SLC25A23: variants seen among roughly 807,000 people sequenced by gnomAD.
The protein encoded by SLC25A23 is mitochondrial adenyl nucleotide antiporter SLC25A23.
SLC25A23 carries 32 observed loss-of-function variants against 53.9 expected under a neutral mutation model. The ratio of observed to expected loss-of-function variants is 0.59; its 90% CI spans 0.45 to 0.80. The LOEUF is 0.80. Ranked by LOEUF, SLC25A23 falls within the 30% of genes least tolerant of loss-of-function variation. SLC25A23 has a pLI of 0.00. For missense variants in SLC25A23, 575 were observed against 651.4 expected (o/e 0.88, Z 1.28); for synonymous variants, 275 against 264.5 (o/e 1.04, Z -0.38).
At chr19:6,450,071 T>C (rs1373608488) in intron 8 of SLC25A23, among the ~76,000 whole-genome samples, 1 of 151,918 alleles carries the variant, frequency 6.6e-6, no homozygotes, top group East Asian at 1.9e-4. Flanking sequence ...TTGGCCAGGC[T>C]GGTCTTGAAC....
chr19:6,440,417 T>C lies in SLC25A23; in HGVS notation c.*1558A>G, dbSNP rs1283238716. On this transcript the variant is annotated 3_prime_UTR_variant, in exon 10 of 10. Coordinates refer to ENST00000301454, the MANE Select transcript of SLC25A23 (RefSeq NM_024103.3). ...TAGGGAAGGGTGGTCTTTGCCGATT[T>C]TCTCCTGGCTTTCAACTCTGGAAGC... 1 of 152,182 alleles carries C rather than the reference T, an allele frequency of 6.6e-6. No individual in the cohort carries two copies. Among genetic ancestry groups the C allele is most frequent in the African/African-American group, 2.4e-5 (1 of 41,326 alleles). 9.4% of individuals were successfully genotyped at this position (152,182 alleles called of 1,614,324 possible). A position where few individuals can be genotyped will look rare whatever the true frequency, so the allele number is the denominator to read the frequency against.
At chr19:6,442,196 C>A (rs752043514) in intron 9 of SLC25A23, 37 bp from the exon 10 acceptor site, 5 of 1,414,088 alleles carry the variant, frequency 3.5e-6, no homozygotes, top group African/African-American at 1.4e-5. Context: ...GTAAGGCCAA[C>A]GTTCCCCTTT....
chr19:6,458,701 A>G (rs1267963661), intron 1 of SLC25A23, among the ~76,000 whole-genome samples: 6 of 152,130 alleles, frequency 3.9e-5, no homozygotes, highest in Non-Finnish European at 7.4e-5. Context: ...TGTTGAACCC[A>G]GCTGCCTCTT....
chr19:6,456,481 T>C lies in SLC25A23; in HGVS notation c.422A>G (p.His141Arg). Residue 141 changes from histidine (H) to arginine (R), a missense_variant, in exon 4 of 10, where the codon CAC becomes CGC. His to Arg is a conservative substitution (Grantham distance 29). Transcript: ENST00000301454. ...MTIDWQEWRD[H>R]FLLHSLENVE... Reference sequence around the variant, plus strand: ...ATTTTCCAGCGAATGCAACAGGAAGTGGTCGCGCCATTCTTGCCAGTCAAT... The same window carrying C: ...ATTTTCCAGCGAATGCAACAGGAAGCGGTCGCGCCATTCTTGCCAGTCAAT... 6.2e-7 allele frequency: 1 copy of C among 1,613,284 alleles called. No individual in the cohort carries two copies.
intron 9 of SLC25A23, among the ~76,000 whole-genome samples, chr19:6,443,129 G>A (rs1002068664): frequency 1.3e-5 from 2 of 149,790 alleles, no homozygotes; most frequent in African/African-American, 4.9e-5. Context: ...AGTAGAGACA[G>A]GATTTAGCCA....
intron 8 of SLC25A23, among the ~76,000 whole-genome samples, chr19:6,444,962 T>C (rs1048151250): frequency 2.6e-5 from 4 of 151,696 alleles, no homozygotes; most frequent in African/African-American, 9.7e-5. Flanking sequence ...CCACAGTACC[T>C]GGCCTAATTA....
chr19:6,440,109 AAC>A lies in SLC25A23; in HGVS notation c.*1864_*1865del, dbSNP rs1172539670. Reference sequence around the variant, plus strand: ...TCCTTTTGTTCTTTTCCTTTGAAATAACACACACAGGCAGGGAGGTGGGGCGC... The same window carrying A: ...TCCTTTTGTTCTTTTCCTTTGAAATAACACACAGGCAGGGAGGTGGGGCGC... On this transcript the variant is annotated 3_prime_UTR_variant, in exon 10 of 10. Transcript: ENST00000301454. 1.3e-5 allele frequency: 2 copies of A among 152,292 alleles called. No individual in the cohort carries two copies. The highest frequency in any genetic ancestry group is 3.9e-4 in the East Asian group (2 of 5,188). The allele number at this position is 152,292 out of a possible 1,614,324, so 9.4% of individuals were successfully genotyped here. A position where few individuals can be genotyped will look rare whatever the true frequency, so the allele number is the denominator to read the frequency against.
intron 7 of SLC25A23, 148 bp from the exon 8 acceptor site, chr19:6,452,627 AT>A (rs765107507): frequency 7.6e-5 from 68 of 896,606 alleles, no homozygotes; most frequent in Non-Finnish European, 9.9e-5. Flanking sequence ...ATCTTCTGCT[AT>A]CCCCAAATCC....
rs1315855453 is a variant in SLC25A23 at position 6,459,232 on chromosome 19, T to C, written c.156+241A>G. On this transcript the variant is annotated intron_variant, in intron 1 of 9. Coordinates refer to ENST00000301454, the MANE Select transcript of SLC25A23 (RefSeq NM_024103.3). This position sits in a 1 kb window ranked among gnomAD's most constrained non-coding sequence, Gnocchi z 4.6. ...CATCTCTTCCCAGGCAGACGCCCCC[T>C]GCCCCGCAGCAGGGGGATCGGGTGT... 6.6e-6 allele frequency among the ~76,000 whole-genome samples: 1 copy of C among 152,112 alleles called. No individual in the cohort carries two copies. The highest frequency in any genetic ancestry group is 1.5e-5 in the Non-Finnish European group (1 of 68,000).
Position 6,454,378 on chromosome 19 carries a change from A to T in SLC25A23, c.740T>A (p.Ile247Asn). The part of the protein sequence containing the change: ...GIRSLWRGNG[I>N]NVLKIAPESA... ...CTCGGGGGCAATCTTGAGTACATTA[A>T]TACCATTGCCGCGCCACAGGGAGCG... The change falls in exon 6 of 10, where the codon ATT (isoleucine) becomes AAT (asparagine). Residue 247 changes from isoleucine (I) to asparagine (N), a missense_variant. Transcript: ENST00000301454. The surrounding 1 kb of genome is among the most constrained non-coding windows in gnomAD (Gnocchi z 4.3). 1 of 1,614,196 alleles carries T rather than the reference A, an allele frequency of 6.2e-7. No individual in the cohort carries two copies. Among genetic ancestry groups the T allele is most frequent in the South Asian group, 1.1e-5 (1 of 91,086 alleles).
chr19:6,455,766 A>G (rs955711091), intron 4 of SLC25A23, among the ~76,000 whole-genome samples: 9 of 139,488 alleles, frequency 6.5e-5, no homozygotes, highest in Non-Finnish European at 1.0e-4. Flanking sequence ...CACCCAGGCT[A>G]GAGTGCAGTG....
rs2092425324 is a variant in SLC25A23, at chr19:6,441,867, G to C, written c.*108C>G. The stretch of plus-strand genomic sequence containing the variant: ...ATAGGAGTCTAGGATCCAGGATCTG[G>C]GTACTGGGATCTCGTGGCCAAAGAG... On this transcript the variant is annotated 3_prime_UTR_variant, in exon 10 of 10. Transcript: ENST00000301454. 6 of 1,025,222 alleles carry C rather than the reference G, an allele frequency of 5.9e-6. No individual in the cohort carries two copies. The highest frequency in any genetic ancestry group is 8.8e-6 in the Non-Finnish European group (6 of 682,012). 63.5% of individuals were successfully genotyped at this position (1,025,222 alleles called of 1,614,324 possible). A position where few individuals can be genotyped will look rare whatever the true frequency, so the allele number is the denominator to read the frequency against.
At chr19:6,447,031 G>A (rs1396603431) in intron 8 of SLC25A23, among the ~76,000 whole-genome samples, 2 of 141,154 alleles carry the variant, frequency 1.4e-5, no homozygotes, top group Non-Finnish European at 2.9e-5. Flanking sequence ...AAGAAGGAAG[G>A]AAGGAAGGAT....
intron 8 of SLC25A23, 40 bp from the exon 9 acceptor site, chr19:6,444,341 AC>A: frequency 1.3e-6 from 2 of 1,548,640 alleles, no homozygotes; most frequent in Non-Finnish European, 1.8e-6. Context: ...GGGGTGGGTG[AC>A]CCTAGGACCC....
At chr19:6,439,013 C>G (rs2144726067), downstream of SLC25A23, among the ~76,000 whole-genome samples, 1 of 152,178 alleles carries the variant, frequency 6.6e-6, no homozygotes, top group South Asian at 2.1e-4. Context: ...TGCACTACAG[C>G]CTGGGCGACA....
chr19:6,449,122 G>A (rs919306305), intron 8 of SLC25A23, among the ~76,000 whole-genome samples: 11 of 152,018 alleles, frequency 7.2e-5, no homozygotes, highest in Admixed American at 3.3e-4. Flanking sequence ...GAGACTTCTC[G>A]GAGCCTTTAA....
In SLC25A23 at chr19:6,452,312, C is replaced by G. The variant is rs779482157; in HGVS notation, c.1071G>C (p.Glu357Asp). Residue 357 changes from glutamate (E) to aspartate (D), a missense_variant and splice_region_variant, in exon 8 of 10, where the codon GAG becomes GAC. By Grantham distance (45) the Glu-to-Asp change is conservative. Coordinates refer to ENST00000301454, the MANE Select transcript of SLC25A23 (RefSeq NM_024103.3). ...AAAGAGGAACGCGCTGCCCACAGAC[C>G]TCGTAGACGGCCAGGTCGATGCCCG... is the stretch of plus-strand genomic sequence containing the variant. ...PYAGIDLAVY[E>D]TLKNWWLQQY... 3.7e-6 allele frequency: 6 copies of G among 1,610,156 alleles called. No individual in the cohort carries two copies. The South Asian group carries it at 6.6e-5, about 18-fold the overall frequency.
rs899816589 is a variant in SLC25A23, at chr19:6,440,854, G to A, written c.*1121C>T. 2.0e-5 allele frequency: 3 copies of A among 152,244 alleles called. No individual in the cohort carries two copies. The highest frequency in any genetic ancestry group is 4.4e-5 in the Non-Finnish European group (3 of 68,098). The allele number at this position is 152,244 out of a possible 1,614,324, so 9.4% of individuals were successfully genotyped here. ...CTGGGCTGCCAGGATCTAGACTTGG[G>A]GCCTGAACATTTGGGACCCGGCGCC... On this transcript the variant is annotated 3_prime_UTR_variant, in exon 10 of 10. Transcript: ENST00000301454.
In SLC25A23 at chr19:6,444,212, G is replaced by T. The variant is rs745331795; in HGVS notation, c.1161C>A (p.Ser387Arg). ...LVLLACGTIS[S>R]TCGQIASYPL... is the part of the protein sequence containing the mutation. The stretch of plus-strand genomic sequence containing the variant: ...GGTAACTGGCTATCTGGCCGCAGGT[G>T]CTGGATATGGTACCGCAGGCCAGGA... Residue 387 changes from serine to arginine, a missense_variant, in exon 9 of 10, where the codon AGC (serine) becomes AGA (arginine). Physicochemically the swap from Ser to Arg is moderately radical, Grantham distance 110. Coordinates refer to ENST00000301454, the MANE Select transcript of SLC25A23 (RefSeq NM_024103.3). 6 of 1,603,564 alleles carry T rather than the reference G, an allele frequency of 3.7e-6. No homozygotes were observed. The highest frequency in any genetic ancestry group is 8.5e-7 in the Non-Finnish European group (1 of 1,175,732).
Sources: allele counts gnomAD v4.1 joint callset (sites outside exome capture counted in the v4.1 genomes callset), GRCh38; gene constraint gnomAD v4.1.1; non-coding constraint Gnocchi (gnomAD v3.1); transcripts MANE v1.5; gene names NCBI Gene and HGNC (gene_info 2026-07-23, HGNC 2026-07-21).